The following JARID2 variants were observed in gnomAD, a reference collection of about 807,000 sequenced individuals.
JARID2 encodes the protein protein Jumonji.
A neutral mutation model predicts 125.6 loss-of-function variants in JARID2; 21 were observed. The observed-to-expected ratio is 0.17, with a 90% CI of 0.12 to 0.24. JARID2 has a LOEUF of 0.24. Among genes scored for constraint, JARID2 ranks in the 10% least tolerant of loss-of-function variants. JARID2 has a pLI of 1.00. For synonymous variants in JARID2, 736 were observed against 661.6 expected (o/e 1.11, Z -1.73); for missense variants, 1,303 against 1,639.6 (o/e 0.79, Z 3.55).
intron 1 of JARID2, among the ~76,000 whole-genome samples, chr6:15,370,664 G>C (rs1372510039): frequency 2.0e-5 from 3 of 152,024 alleles, no homozygotes; most frequent in Non-Finnish European, 4.4e-5. Context: ...TTTTTAGAGC[G>C]TTCAGTACTG....
intron 8 of JARID2, among the ~76,000 whole-genome samples, chr6:15,503,627 G>A (rs1770850984): frequency 6.6e-6 from 1 of 152,134 alleles, no homozygotes; most frequent in Admixed American, 6.5e-5. Flanking sequence ...GAAGCTCCTC[G>A]AGGTTTTGTG....
At chr6:15,385,082 A>T (rs545557994) in intron 2 of JARID2, among the ~76,000 whole-genome samples, 1 of 152,202 alleles carries the variant, frequency 6.6e-6, no homozygotes, top group Non-Finnish European at 1.5e-5. Flanking sequence ...TGATTCTGGC[A>T]TATCTGCCTA....
intron 3 of JARID2, among the ~76,000 whole-genome samples, chr6:15,441,640 C>T (rs1014293782): frequency 2.6e-5 from 4 of 152,088 alleles, no homozygotes; most frequent in African/African-American, 7.2e-5. Flanking sequence ...CTCTGAGTGC[C>T]GCCTTTGTGC....
At chr6:15,494,749 A>G (rs914441462) in intron 6 of JARID2, among the ~76,000 whole-genome samples, 6 of 152,100 alleles carry the variant, frequency 3.9e-5, no homozygotes, top group African/African-American at 1.4e-4. Context: ...GGCCAGGCCT[A>G]GGTTTAGTAC....
intron 4 of JARID2, among the ~76,000 whole-genome samples, chr6:15,460,893 C>T (rs1197861728): frequency 2.6e-5 from 4 of 152,206 alleles, no homozygotes; most frequent in African/African-American, 7.2e-5. Context: ...TTAGTAGAGA[C>T]GGGGTTTCAC....
chr6:15,380,550 C>A (rs1432668346), intron 2 of JARID2, among the ~76,000 whole-genome samples: 1 of 152,110 alleles, frequency 6.6e-6, no homozygotes, highest in South Asian at 2.1e-4. Context: ...GTTTTTAATG[C>A]TGTTGTCGTT....
At position 15,334,538 on chromosome 6, in the gene JARID2, T is replaced by C. The variant is rs1315745300; in HGVS notation, c.46-39579T>C. ...TCAAGCTAGTCTGGATTTGACATAATTTTTACAGCAGTTTTTGCATACTCC... is the reference window on the plus strand; with the variant it reads ...TCAAGCTAGTCTGGATTTGACATAACTTTTACAGCAGTTTTTGCATACTCC... On this transcript the variant is annotated intron_variant, in intron 1 of 17. Coordinates refer to ENST00000341776, the MANE Select transcript of JARID2 (RefSeq NM_004973.4). 2.0e-5 allele frequency among the ~76,000 whole-genome samples: 3 copies of C among 152,218 alleles called. No individual in the cohort carries two copies. The East Asian group carries it at 5.8e-4, about 29-fold the overall frequency.
At chr6:15,380,489 C>G (rs184392283) in intron 2 of JARID2, among the ~76,000 whole-genome samples, 1 of 152,286 alleles carries the variant, frequency 6.6e-6, no homozygotes, top group African/African-American at 2.4e-5. Context: ...TCTCTTCAGT[C>G]AGACACACAG....
chr6:15,338,216 A>G lies in JARID2; in HGVS notation c.46-35901A>G, dbSNP rs575645559. Among the ~76,000 whole-genome samples the G allele has an allele frequency of 2.0e-5, 3 of 152,258 alleles. No homozygotes were observed. In the East Asian group the frequency reaches 5.8e-4, roughly 29 times the overall value. Reference sequence around the variant, plus strand: ...CACTCGCTTTCTCTGTCACAGCCTGAGTTTTCGCTGAAAGAAGGAAGGGAA... The same window carrying G: ...CACTCGCTTTCTCTGTCACAGCCTGGGTTTTCGCTGAAAGAAGGAAGGGAA... On this transcript the variant is annotated intron_variant, in intron 1 of 17. Transcript: ENST00000341776.
intron 1 of JARID2, among the ~76,000 whole-genome samples, chr6:15,286,810 C>G (rs1360167186): frequency 6.8e-6 from 1 of 147,566 alleles, no homozygotes. Context: ...TGCAGTGAGC[C>G]GAGACCATGC....
At chr6:15,394,651 C>T (rs7748631) in intron 2 of JARID2, among the ~76,000 whole-genome samples, 4,114 of 152,244 alleles carry the variant, frequency 0.027, 177 homozygotes, top group African/African-American at 0.092. Context: ...AGAAACCTGA[C>T]AGTTTGGTAA....
intron 6 of JARID2, among the ~76,000 whole-genome samples, chr6:15,488,035 T>C (rs1014192699): frequency 6.6e-6 from 1 of 152,184 alleles, no homozygotes; most frequent in Non-Finnish European, 1.5e-5. Flanking sequence ...TGGAACTGGG[T>C]GTGGCTGGGT....
At chr6:15,505,733 C>A (rs1770973360) in intron 9 of JARID2, among the ~76,000 whole-genome samples, 1 of 152,272 alleles carries the variant, frequency 6.6e-6, no homozygotes, top group Admixed American at 6.5e-5. Flanking sequence ...TGGCCTGACA[C>A]CCGGCCTGTG....
chr6:15,310,725 CCG>C (rs1374482843), intron 1 of JARID2, among the ~76,000 whole-genome samples: 1 of 152,186 alleles, frequency 6.6e-6, no homozygotes, highest in Non-Finnish European at 1.5e-5. Context: ...ATTCCCATCC[CCG>C]CTTGGCTCTT....
Position 15,513,356 on chromosome 6 carries a change from G to A in JARID2, c.3384G>A (p.Lys1128=). 1 of 1,613,530 alleles carries A rather than the reference G, an allele frequency of 6.2e-7. No homozygotes were observed. The highest frequency in any genetic ancestry group is 8.5e-7 in the Non-Finnish European group (1 of 1,179,868). Residue 1128 remains lysine (K), a synonymous_variant, in exon 16 of 18, where the codon AAG becomes AAA. Coordinates refer to ENST00000341776, the MANE Select transcript of JARID2 (RefSeq NM_004973.4). ...TVADGKKKPR[K]WLQLETSERR... ...CGGACGGGAAGAAAAAGCCTCGAAAGTGGCTGCAGTTGGAGACGTCAGAGA... is the reference window on the plus strand; with the variant it reads ...CGGACGGGAAGAAAAAGCCTCGAAAATGGCTGCAGTTGGAGACGTCAGAGA...
intron 1 of JARID2, among the ~76,000 whole-genome samples, chr6:15,350,918 C>G (rs544901908): frequency 1.3e-5 from 2 of 151,710 alleles, no homozygotes; most frequent in Non-Finnish European, 2.9e-5. Context: ...TATGTTAGGT[C>G]CTCAAGGATT....
chr6:15,423,485 G>GT (rs1189773442), intron 3 of JARID2, among the ~76,000 whole-genome samples: 1 of 152,158 alleles, frequency 6.6e-6, no homozygotes, highest in Non-Finnish European at 1.5e-5. Flanking sequence ...GTTTGTTGGT[G>GT]TAACACTGTG....
chr6:15,299,450 C>T (rs1761527512), intron 1 of JARID2, among the ~76,000 whole-genome samples: 1 of 152,004 alleles, frequency 6.6e-6, no homozygotes, highest in South Asian at 2.1e-4. Context: ...TTGTTGAGTC[C>T]CAGCTTTTCA....
At chr6:15,473,784 G>T (rs1436571990) in intron 5 of JARID2, among the ~76,000 whole-genome samples, 1 of 152,174 alleles carries the variant, frequency 6.6e-6, no homozygotes, top group African/African-American at 2.4e-5. Flanking sequence ...CACATGGCTT[G>T]AATGGCCTTG....
Sources: gnomAD v4.1 joint callset for allele counts (sites outside exome capture counted in the v4.1 genomes callset) on GRCh38, gnomAD v4.1.1 for gene constraint, MANE v1.5 for transcripts, NCBI Gene and HGNC (gene_info 2026-07-23, HGNC 2026-07-21) for gene names.